Variants in RNF125 observed in about 807,000 individuals in gnomAD.
RNF125 encodes ring finger protein 125.
RNF125 carries 21 observed loss-of-function variants against 26.0 expected under a neutral mutation model. That is an observed-to-expected ratio of 0.81 (90% CI 0.57 to 1.16). The LOEUF is 1.16. Ranked by LOEUF, RNF125 falls within the 50% of genes most tolerant of loss-of-function variation. The pLI is 0.00. For synonymous variants in RNF125, 95 were observed against 109.2 expected (o/e 0.87, Z 0.81); for missense variants, 270 against 299.4 (o/e 0.90, Z 0.72).
intron 1 of RNF125, among the ~76,000 whole-genome samples, chr18:32,033,895 T>A (rs1189874000): frequency 6.6e-6 from 1 of 151,872 alleles, no homozygotes; most frequent in African/African-American, 2.4e-5. Flanking sequence ...CTAGACGTTC[T>A]ATTAGTGACA....
At chr18:32,028,463 A>G (rs573060256) in intron 1 of RNF125, among the ~76,000 whole-genome samples, 3 of 152,112 alleles carry the variant, frequency 2.0e-5, no homozygotes, top group South Asian at 2.1e-4. Flanking sequence ...TTCTCTACCA[A>G]TGTAGACTTT....
rs535074416 is a variant in RNF125, at chr18:32,020,548, C to T, written c.164+1521C>T. Among the ~76,000 whole-genome samples the T allele has an allele frequency of 2.6e-5, 4 of 151,518 alleles. No individual in the cohort carries two copies. The East Asian group carries it at 8.1e-4, about 31-fold the overall frequency. ...CGTTATTATGAATGCAAGTGCACAA[C>T]ATGTTTTTGAGGACCACTTTTGAAA... On this transcript the variant is annotated intron_variant, in intron 1 of 5. Transcript: ENST00000217740.
chr18:32,065,647 C>G (rs1455919958), intron 4 of RNF125, among the ~76,000 whole-genome samples: 1 of 152,112 alleles, frequency 6.6e-6, no homozygotes, highest in African/African-American at 2.4e-5. Context: ...ATTCTCCTGC[C>G]TCAGTCTCCC....
chr18:32,058,173 A>G (rs2039403538), intron 4 of RNF125, among the ~76,000 whole-genome samples: 1 of 151,878 alleles, frequency 6.6e-6, no homozygotes, highest in South Asian at 2.1e-4. Context: ...GCAAGTGAGA[A>G]GTATGACCAT....
At chr18:32,074,506 A>C (rs1388835115), downstream of RNF125, among the ~76,000 whole-genome samples, 1 of 152,152 alleles carries the variant, frequency 6.6e-6, no homozygotes, top group Non-Finnish European at 1.5e-5. Context: ...CTAAAACATG[A>C]AGTCATGTTC....
chr18:32,058,289 A>G (rs2144505421), intron 4 of RNF125, among the ~76,000 whole-genome samples: 1 of 152,130 alleles, frequency 6.6e-6, no homozygotes, highest in East Asian at 1.9e-4. Context: ...CATCAGGGTA[A>G]ATGGCATACC....
intron 4 of RNF125, among the ~76,000 whole-genome samples, chr18:32,053,905 G>A (rs79575770): frequency 9.2e-5 from 14 of 152,026 alleles, no homozygotes; most frequent in Admixed American, 2.0e-4. Context: ...GAAAGACTAG[G>A]GGGGGAGACA....
In RNF125 at chr18:32,037,103, C is replaced by A; in HGVS notation, c.165-13C>A. ...TCAAGGAAAGTGATGTATTTTTGGTCTGTTTGGGGTAGATTCTGCCGTTCC... is the reference window on the plus strand; with the variant it reads ...TCAAGGAAAGTGATGTATTTTTGGTATGTTTGGGGTAGATTCTGCCGTTCC... On this transcript the variant is annotated splice_polypyrimidine_tract_variant and intron_variant, in intron 1 of 5. Transcript: ENST00000217740. 6.3e-7 allele frequency: 1 copy of A among 1,579,108 alleles called. No individual in the cohort carries two copies. The highest frequency in any genetic ancestry group is 1.2e-5 in the South Asian group (1 of 85,008).
intron 5 of RNF125, 35 bp from the exon 6 acceptor site, chr18:32,068,263 C>A (rs1322547467): frequency 2.6e-6 from 3 of 1,160,118 alleles, no homozygotes; most frequent in South Asian, 1.3e-5. Context: ...ATACTATTGA[C>A]TCTGAATATT....
chr18:32,085,417 A>AGAGAGAGAGAG, the RNF125 span, among the ~76,000 whole-genome samples: 31 of 101,696 alleles, frequency 3.0e-4, no homozygotes, highest in African/African-American at 1.2e-3. Context: ...GAGAGAGAGA[A>AGAGAGAGAGAG]AGCTGGGTGA....
At chr18:32,084,986 A>G in the RNF125 span, among the ~76,000 whole-genome samples, 738 of 152,286 alleles carry the variant, frequency 4.8e-3, 4 homozygotes, top group African/African-American at 0.017. Flanking sequence ...TTGAACTTCC[A>G]TTTCAGCTAC....
chr18:32,035,319 A>G (rs183251803), intron 1 of RNF125, among the ~76,000 whole-genome samples: 50 of 152,344 alleles, frequency 3.3e-4, no homozygotes, highest in Non-Finnish European at 6.2e-4. Context: ...GCAGAAGAGA[A>G]TACTGTTACG....
At chr18:32,056,403 G>A (rs2039383218) in intron 4 of RNF125, among the ~76,000 whole-genome samples, 6 of 152,086 alleles carry the variant, frequency 3.9e-5, no homozygotes, top group Admixed American at 3.9e-4. Context: ...CCTGAGGTCA[G>A]GAGTTCGAGA....
At chr18:32,087,168 A>G in the RNF125 span, among the ~76,000 whole-genome samples, 2 of 151,862 alleles carry the variant, frequency 1.3e-5, no homozygotes, top group African/African-American at 2.4e-5. Context: ...ATCCTTTATA[A>G]TATACCAGTA....
At chr18:32,031,243 A>G (rs1032795582) in intron 1 of RNF125, 2 of 151,804 alleles carry the variant, frequency 1.3e-5, no homozygotes, top group Non-Finnish European at 1.5e-5. Context: ...ACAAAATTTG[A>G]GGCCCTACCC....
intron 4 of RNF125, among the ~76,000 whole-genome samples, chr18:32,046,214 CAA>C (rs768054716): frequency 0.097 from 7,287 of 75,294 alleles, 81 homozygotes; most frequent in Non-Finnish European, 0.13. Context: ...AAGACTGTCT[CAA>C]AAAAAAAAAA....
Position 32,037,269 on chromosome 18 carries a change from G to T in RNF125, c.318G>T (p.Leu106=). ...EYKNCAECDT[L]VCLSEMRAHI... is the part of the protein sequence containing the mutation. ...AGAACTGCGCTGAGTGTGACACCCT[G>T]GTATGTATGTGACCCCACCTATTTT... Residue 106 remains leucine (L), a splice_region_variant and synonymous_variant, in exon 2 of 6, where the codon CTG becomes CTT. Coordinates refer to ENST00000217740, the MANE Select transcript of RNF125 (RefSeq NM_017831.4). 2 of 1,554,834 alleles carry T rather than the reference G, an allele frequency of 1.3e-6. No homozygotes were observed. Among genetic ancestry groups the T allele is most frequent in the Non-Finnish European group, 1.7e-6 (2 of 1,155,358 alleles).
At chr18:32,026,411 C>T (rs761436614) in intron 1 of RNF125, among the ~76,000 whole-genome samples, 6 of 151,782 alleles carry the variant, frequency 4.0e-5, no homozygotes, top group Non-Finnish European at 8.8e-5. Context: ...ACCACACCCA[C>T]CTAATTTTTG....
At position 32,018,971 on chromosome 18, in the gene RNF125, C is replaced by G. The variant is rs2038958493; in HGVS notation, c.108C>G (p.Asp36Glu). Reference sequence around the variant, plus strand: ...CGGAGTTGCCCGTCACGTCCTTCGACTGCGCCGTGTGCCTTGAGGTGTTAC... The same window carrying G: ...CGGAGTTGCCCGTCACGTCCTTCGAGTGCGCCGTGTGCCTTGAGGTGTTAC... Reference protein sequence around the residue: ...RDPELPVTSFDCAVCLEVLHQ... With the variant: ...RDPELPVTSFECAVCLEVLHQ... Residue 36 changes from aspartate (D) to glutamate (E), a missense_variant, in exon 1 of 6, where the codon GAC becomes GAG. Coordinates refer to ENST00000217740, the MANE Select transcript of RNF125 (RefSeq NM_017831.4). The G allele has an allele frequency of 6.2e-7, 1 of 1,613,700 alleles. No homozygotes were observed. Among genetic ancestry groups the G allele is most frequent in the South Asian group, 1.1e-5 (1 of 91,048 alleles).
Sources: allele counts gnomAD v4.1 joint callset (sites outside exome capture counted in the v4.1 genomes callset), GRCh38; gene constraint gnomAD v4.1.1; transcripts MANE v1.5; gene names NCBI Gene and HGNC (gene_info 2026-07-23, HGNC 2026-07-21).